SUGCT: variants seen among roughly 807,000 people sequenced by gnomAD.
SUGCT encodes the protein succinyl-CoA:glutarate CoA-transferase.
In SUGCT, 41 loss-of-function variants were observed where a neutral mutation model predicts 55.0. The ratio of observed to expected loss-of-function variants is 0.74; its 90% CI spans 0.58 to 0.97. The LOEUF (loss-of-function observed/expected upper bound fraction) is 0.97, where lower values mean the gene tolerates loss of function less well. Ranked by LOEUF, SUGCT falls within the 50% of genes least tolerant of loss-of-function variation. SUGCT has a pLI of 0.00. For missense variants in SUGCT, 568 were observed against 547.8 expected, an observed-to-expected ratio of 1.04 and a Z score of -0.37; for synonymous variants, 187 against 200.4, an observed-to-expected ratio of 0.93 and a Z score of 0.56.
In SUGCT at chr7:40,377,624, A is replaced by G. The variant is rs369320974; in HGVS notation, c.816+60769A>G. Among the ~76,000 whole-genome samples the G allele has an allele frequency of 1.3e-4, 20 of 152,250 alleles. No individual in the cohort carries two copies. The South Asian group carries it at 3.7e-3, about 28-fold the overall frequency. On this transcript the variant is annotated intron_variant, in intron 9 of 13. Transcript: ENST00000335693. Reference sequence around the variant, plus strand: ...TATTTTTAAAATGAGATTGGAGGACAAAAGAGTTACAAACGGAAATACATT... The same window carrying G: ...TATTTTTAAAATGAGATTGGAGGACGAAAGAGTTACAAACGGAAATACATT...
chr7:40,977,387 T>G, the SUGCT span, among the ~76,000 whole-genome samples: 87 of 152,364 alleles, frequency 5.7e-4, no homozygotes, highest in Admixed American at 2.1e-3. Context: ...TTTCCATTTC[T>G]TCATTCTCTT....
the SUGCT span, among the ~76,000 whole-genome samples, chr7:41,002,332 C>T: frequency 1.3e-5 from 2 of 152,136 alleles, no homozygotes; most frequent in Non-Finnish European, 2.9e-5. Context: ...AGAATGCGAA[C>T]TTTATCCTTT....
In SUGCT at chr7:40,385,034, A is replaced by C. The variant is rs189220375; in HGVS notation, c.817-64253A>C. 2.0e-3 allele frequency among the ~76,000 whole-genome samples: 302 copies of C among 152,314 alleles called. 12 individuals are homozygous for C. In the South Asian group the frequency reaches 0.058, roughly 29 times the overall value. On this transcript the variant is annotated intron_variant, in intron 9 of 13. Transcript: ENST00000335693. Reference sequence around the variant, plus strand: ...TTAAAATAAAATGTGATTAGTATTAATGATAGAGTAGTATGGAAGATAAAG... The same window carrying C: ...TTAAAATAAAATGTGATTAGTATTACTGATAGAGTAGTATGGAAGATAAAG...
chr7:40,695,570 A>C (rs1025617351), intron 12 of SUGCT, among the ~76,000 whole-genome samples: 2 of 152,194 alleles, frequency 1.3e-5, no homozygotes, highest in African/African-American at 2.4e-5. Flanking sequence ...TTGTAATTTT[A>C]ATGTGAGTTC....
rs146875487 is a variant in SUGCT, at chr7:40,492,456, G to A, written c.987-3828G>A. Among the ~76,000 whole-genome samples the A allele has an allele frequency of 5.4e-3, 817 of 152,252 alleles. 12 individuals carry two copies. The highest frequency in any genetic ancestry group is 0.018 in the African/African-American group (762 of 41,548). ...TCAGCCCATTGTCCGCATCAGTGCT[G>A]AGTAGGTCAGTCCCCTGCCTAAAGA... On this transcript the variant is annotated intron_variant, in intron 11 of 13. Transcript: ENST00000335693.
At chr7:40,628,323 G>A (rs570835658) in intron 12 of SUGCT, among the ~76,000 whole-genome samples, 10 of 152,300 alleles carry the variant, frequency 6.6e-5, no homozygotes, top group South Asian at 4.1e-4. Flanking sequence ...TATGCTAGGC[G>A]GTTGGATCAT....
chr7:40,149,390 C>A (rs561054886), intron 1 of SUGCT, among the ~76,000 whole-genome samples: 8 of 152,290 alleles, frequency 5.3e-5, no homozygotes, highest in Admixed American at 4.6e-4. Context: ...GTTTATAGTT[C>A]ATAGTTTAAA....
intron 12 of SUGCT, chr7:40,684,108 T>A (rs745734466): frequency 3.7e-6 from 6 of 1,610,714 alleles, no homozygotes; most frequent in African/African-American, 1.3e-5. Flanking sequence ...CATGGCCCCT[T>A]CCTTCATCTT....
chr7:40,701,893 A>G (rs1348796270), intron 12 of SUGCT, among the ~76,000 whole-genome samples: 2 of 152,102 alleles, frequency 1.3e-5, no homozygotes, highest in Non-Finnish European at 2.9e-5. Context: ...TGCTCTAAAA[A>G]CTTAGCCTCA....
At chr7:40,873,988 G>A in the SUGCT span, among the ~76,000 whole-genome samples, 1 of 152,072 alleles carries the variant, frequency 6.6e-6, no homozygotes, top group Non-Finnish European at 1.5e-5. Context: ...GAGGCACTAA[G>A]AGTGTTACAT....
intron 9 of SUGCT, among the ~76,000 whole-genome samples, chr7:40,398,624 C>T (rs1323670626): frequency 6.7e-6 from 1 of 150,290 alleles, no homozygotes; most frequent in Non-Finnish European, 1.5e-5. Context: ...CTAGTACATT[C>T]TAATCAAGTG....
At chr7:40,561,842 C>T (rs1212604282) in intron 12 of SUGCT, among the ~76,000 whole-genome samples, 1 of 151,360 alleles carries the variant, frequency 6.6e-6, no homozygotes, top group African/African-American at 2.4e-5. Context: ...CAGGTGCACA[C>T]CACCATGCCT....
chr7:40,321,249 G>A (rs1795726589), intron 9 of SUGCT, among the ~76,000 whole-genome samples: 1 of 151,218 alleles, frequency 6.6e-6, no homozygotes, highest in African/African-American at 2.4e-5. Flanking sequence ...CTAATTTTTT[G>A]TACTTTTAGT....
At chr7:40,444,622 G>A (rs576047688) in intron 9 of SUGCT, among the ~76,000 whole-genome samples, 8 of 152,048 alleles carry the variant, frequency 5.3e-5, no homozygotes, top group Non-Finnish European at 2.9e-5. Flanking sequence ...GGAGATTTTG[G>A]GCTGAGACGA....
chr7:40,808,635 C>T (rs1357115173), intron 13 of SUGCT, among the ~76,000 whole-genome samples: 1 of 152,204 alleles, frequency 6.6e-6, no homozygotes, highest in Non-Finnish European at 1.5e-5. Flanking sequence ...TAAGGAAGAA[C>T]ATTCCTCCAA....
At chr7:40,377,336 G>C (rs961443373) in intron 9 of SUGCT, among the ~76,000 whole-genome samples, 8 of 149,280 alleles carry the variant, frequency 5.4e-5, no homozygotes, top group African/African-American at 1.7e-4. Context: ...TCCGCCTCCC[G>C]GATTCAAGCG....
chr7:40,583,547 A>G (rs1048315977), intron 12 of SUGCT, among the ~76,000 whole-genome samples: 4 of 152,208 alleles, frequency 2.6e-5, no homozygotes, highest in African/African-American at 9.6e-5. Context: ...CCAGACAATT[A>G]CATTTAAAAT....
chr7:40,268,801 G>A (rs1266583395), intron 7 of SUGCT, among the ~76,000 whole-genome samples: 1 of 152,006 alleles, frequency 6.6e-6, no homozygotes, highest in Non-Finnish European at 1.5e-5. Flanking sequence ...ACCGTGCCCG[G>A]TTAATTTTTG....
intron 12 of SUGCT, among the ~76,000 whole-genome samples, chr7:40,550,577 C>T (rs572789336): frequency 6.6e-6 from 1 of 152,194 alleles, no homozygotes; most frequent in East Asian, 1.9e-4. Flanking sequence ...TTTCAGGGCT[C>T]TTATTCTGAG....
Sources: gnomAD v4.1 joint callset for allele counts (sites outside exome capture counted in the v4.1 genomes callset) on GRCh38, gnomAD v4.1.1 for gene constraint, MANE v1.5 for transcripts, NCBI Gene and HGNC (gene_info 2026-07-23, HGNC 2026-07-21) for gene names.